Variants in GLCCI1 observed in about 807,000 individuals in gnomAD.
The protein encoded by GLCCI1 is glucocorticoid induced 1.
A neutral mutation model predicts 52.2 loss-of-function variants in GLCCI1; 24 were observed. The ratio of observed to expected loss-of-function variants is 0.46; its 90% CI spans 0.33 to 0.65. The LOEUF is 0.65. Among genes scored for constraint, GLCCI1 ranks in the 30% least tolerant of loss-of-function variants. GLCCI1 has a pLI of 0.02. For synonymous variants in GLCCI1, 310 were observed against 276.5 expected (o/e 1.12, Z -1.20); for missense variants, 704 against 701.5 (o/e 1.00, Z -0.04).
Position 8,088,152 on chromosome 7 carries a change from C to G in GLCCI1, c.*1614C>G, listed in dbSNP as rs1783157027. 1 of 151,530 alleles carries G rather than the reference C, an allele frequency of 6.6e-6. No individual in the cohort carries two copies. The highest frequency in any genetic ancestry group is 2.4e-5 in the African/African-American group (1 of 41,140). 9.4% of individuals were successfully genotyped at this position (151,530 alleles called of 1,614,324 possible). A position where few individuals can be genotyped will look rare whatever the true frequency, so the allele number is the denominator to read the frequency against. ...CATTCCTGGGTTTTTCTTTTATTTT[C>G]TAAGAAGGTTGAAGAAGGATGAGTG... On this transcript the variant is annotated 3_prime_UTR_variant, in exon 8 of 8. Coordinates refer to ENST00000223145, the MANE Select transcript of GLCCI1 (RefSeq NM_138426.4).
intron 5 of GLCCI1, among the ~76,000 whole-genome samples, chr7:8,063,784 G>GT (rs1782570191): frequency 6.6e-6 from 1 of 151,126 alleles, no homozygotes; most frequent in African/African-American, 2.4e-5. Flanking sequence ...ACAGCCAGCT[G>GT]ATTTTTTTTT....
In GLCCI1 at chr7:8,071,139, T is replaced by G. The variant is rs1562450073; in HGVS notation, c.1177+8T>G. On this transcript the variant is annotated splice_region_variant and intron_variant, in intron 6 of 7. Transcript: ENST00000223145. ...TCTATGATCGTGATAAAGGTAAGAATGGAATTGTCCACTTAGAGGGTTTGT... is the reference window on the plus strand; with the variant it reads ...TCTATGATCGTGATAAAGGTAAGAAGGGAATTGTCCACTTAGAGGGTTTGT... 6.2e-7 allele frequency: 1 copy of G among 1,610,892 alleles called. No individual in the cohort carries two copies. Among genetic ancestry groups the G allele is most frequent in the Admixed American group, 1.7e-5 (1 of 60,018 alleles).
chr7:8,001,448 G>A lies in GLCCI1; in HGVS notation c.458-2460G>A, dbSNP rs1781047467. On this transcript the variant is annotated intron_variant, in intron 1 of 7. Coordinates refer to ENST00000223145, the MANE Select transcript of GLCCI1 (RefSeq NM_138426.4). Reference sequence around the variant, plus strand: ...TAGAATGGCAATCATTAAAAAGTCAGAAAACAACAGATGCTGGAGAGGATG... The same window carrying A: ...TAGAATGGCAATCATTAAAAAGTCAAAAAACAACAGATGCTGGAGAGGATG... Among the ~76,000 whole-genome samples, 3 of 152,174 alleles carry A rather than the reference G, an allele frequency of 2.0e-5. No homozygotes were observed. The South Asian group carries it at 6.2e-4, about 31-fold the overall frequency.
At chr7:8,063,263 A>G (rs1479606003) in intron 5 of GLCCI1, among the ~76,000 whole-genome samples, 1 of 152,020 alleles carries the variant, frequency 6.6e-6, no homozygotes, top group Non-Finnish European at 1.5e-5. Flanking sequence ...TCAGCCTCCC[A>G]AATGGCTGGG....
chr7:8,025,463 A>G (rs1424435108), intron 3 of GLCCI1, among the ~76,000 whole-genome samples: 1 of 152,244 alleles, frequency 6.6e-6, no homozygotes, highest in Admixed American at 6.5e-5. Flanking sequence ...TGGGTTTGAC[A>G]ACAGATTTGC....
At chr7:8,030,560 C>A (rs1260916157) in intron 3 of GLCCI1, among the ~76,000 whole-genome samples, 1 of 152,092 alleles carries the variant, frequency 6.6e-6, no homozygotes, top group African/African-American at 2.4e-5. Context: ...AGTTAGAAAG[C>A]TTCTGCACAG....
intron 3 of GLCCI1, among the ~76,000 whole-genome samples, chr7:8,054,528 A>G (rs1054268781): frequency 6.6e-5 from 10 of 152,138 alleles, no homozygotes; most frequent in African/African-American, 2.2e-4. Context: ...AGCGACCTAT[A>G]TACTTTTACC....
chr7:8,086,572 T>C lies in GLCCI1; in HGVS notation c.*34T>C. 1 of 1,495,258 alleles carries C rather than the reference T, an allele frequency of 6.7e-7. No homozygotes were observed. The highest frequency in any genetic ancestry group is 9.0e-7 in the Non-Finnish European group (1 of 1,109,316). 92.6% of individuals were successfully genotyped at this position (1,495,258 alleles called of 1,614,324 possible). ...GAGCTGGCCTCCACCCTATGTTCCA[T>C]GGATTCGGAACAAGATTTCAGACAT... On this transcript the variant is annotated 3_prime_UTR_variant, in exon 8 of 8. Transcript: ENST00000223145. This position sits in a 1 kb window ranked among gnomAD's most constrained non-coding sequence, Gnocchi z 4.4.
At chr7:8,049,503 A>C (rs1409021615) in intron 3 of GLCCI1, among the ~76,000 whole-genome samples, 6 of 152,280 alleles carry the variant, frequency 3.9e-5, no homozygotes, top group African/African-American at 1.4e-4. Context: ...TGAATCGTAA[A>C]TATGTTTTAT....
intron 3 of GLCCI1, among the ~76,000 whole-genome samples, chr7:8,024,379 T>G (rs1262315983): frequency 6.6e-6 from 1 of 152,236 alleles, no homozygotes; most frequent in Non-Finnish European, 1.5e-5. Context: ...TAAATGAAGC[T>G]AAGTCTAATA....
At chr7:8,021,936 A>G (rs2127948474) in intron 2 of GLCCI1, among the ~76,000 whole-genome samples, 1 of 152,202 alleles carries the variant, frequency 6.6e-6, no homozygotes, top group African/African-American at 2.4e-5. Flanking sequence ...ACTGTTTTTA[A>G]TCTTTTTCAC....
chr7:7,991,758 C>T (rs762836653), intron 1 of GLCCI1, among the ~76,000 whole-genome samples: 1 of 152,092 alleles, frequency 6.6e-6, no homozygotes, highest in Non-Finnish European at 1.5e-5. Context: ...CATCATTTCT[C>T]ATGGTAAATA....
chr7:8,036,125 A>G (rs947829535), intron 3 of GLCCI1, among the ~76,000 whole-genome samples: 6 of 152,212 alleles, frequency 3.9e-5, no homozygotes, highest in Non-Finnish European at 8.8e-5. Flanking sequence ...TGTAGGTTAA[A>G]TTGCACAACC....
At chr7:8,082,012 A>G (rs1251121594) in intron 6 of GLCCI1, among the ~76,000 whole-genome samples, 1 of 152,204 alleles carries the variant, frequency 6.6e-6, no homozygotes, top group Non-Finnish European at 1.5e-5. Context: ...ATCCTATATT[A>G]TTCTCCGGAA....
intron 1 of GLCCI1, among the ~76,000 whole-genome samples, chr7:7,983,424 G>A (rs1780662938): frequency 6.6e-6 from 1 of 152,144 alleles, no homozygotes; most frequent in South Asian, 2.1e-4. Flanking sequence ...CATAGTTAAT[G>A]TAGTGATTCT....
intron 2 of GLCCI1, among the ~76,000 whole-genome samples, chr7:8,018,993 A>G (rs937817994): frequency 6.6e-6 from 1 of 152,224 alleles, no homozygotes; most frequent in African/African-American, 2.4e-5. Context: ...TATTTTCCTG[A>G]TTGAAATGGT....
chr7:8,019,858 GT>G (rs1214762521), intron 2 of GLCCI1, among the ~76,000 whole-genome samples: 1 of 152,240 alleles, frequency 6.6e-6, no homozygotes, highest in Non-Finnish European at 1.5e-5. Context: ...ATGGAATGGA[GT>G]TTGCAGGACT....
intron 4 of GLCCI1, 189 bp downstream of exon 4, chr7:8,055,738 C>A (rs1782376174): frequency 2.4e-6 from 1 of 415,818 alleles, no homozygotes; most frequent in Non-Finnish European, 4.4e-6. Context: ...GCCTGTAATC[C>A]CAGCACTTTG....
intron 1 of GLCCI1, among the ~76,000 whole-genome samples, chr7:7,974,508 GA>G: frequency 6.6e-6 from 1 of 152,254 alleles, no homozygotes; most frequent in East Asian, 1.9e-4. Context: ...GTACTTTGGG[GA>G]AATGTTGAAG....
Sources: allele counts gnomAD v4.1 joint callset (sites outside exome capture counted in the v4.1 genomes callset), GRCh38; gene constraint gnomAD v4.1.1; non-coding constraint Gnocchi (gnomAD v3.1); transcripts MANE v1.5; gene names NCBI Gene and HGNC (gene_info 2026-07-23, HGNC 2026-07-21).